The following KLF12 variants were observed in gnomAD, a reference collection of about 807,000 sequenced individuals.
The protein encoded by KLF12 is KLF transcription factor 12, also known as Krueppel-like factor 12.
In KLF12, 9 loss-of-function variants were observed where a neutral mutation model predicts 37.8. That is an observed-to-expected ratio of 0.24 (90% CI 0.14 to 0.42). KLF12 has a LOEUF of 0.42. KLF12 is among the 10% of genes least tolerant of loss of function. KLF12 has a pLI of 1.00. For missense variants in KLF12, 411 were observed against 516.0 expected (o/e 0.80, Z 1.97); for synonymous variants, 208 against 202.1 (o/e 1.03, Z -0.25).
chr13:73,948,939 G>C (rs1357384400), intron 2 of KLF12, among the ~76,000 whole-genome samples: 6 of 152,094 alleles, frequency 3.9e-5, no homozygotes, highest in Non-Finnish European at 7.4e-5. Flanking sequence ...CATTATCTTG[G>C]TAACAAAAAT....
chr13:74,012,812 A>T (rs1053080822), intron 1 of KLF12, among the ~76,000 whole-genome samples: 1 of 152,178 alleles, frequency 6.6e-6, no homozygotes, highest in Non-Finnish European at 1.5e-5. Context: ...TACTTAAAAA[A>T]CAATCACATA....
At chr13:74,273,702 T>C in the KLF12 span, among the ~76,000 whole-genome samples, 1 of 152,056 alleles carries the variant, frequency 6.6e-6, no homozygotes, top group Non-Finnish European at 1.5e-5. Context: ...CTTGGAATAT[T>C]TTTGGCTTTT....
chr13:73,734,557 T>C (rs1375175569), intron 6 of KLF12, among the ~76,000 whole-genome samples: 1 of 152,042 alleles, frequency 6.6e-6, no homozygotes, highest in Non-Finnish European at 1.5e-5. Flanking sequence ...ACTTTCATAA[T>C]AGATGGCAAA....
intron 2 of KLF12, among the ~76,000 whole-genome samples, chr13:73,989,815 T>G (rs188961003): frequency 2.0e-5 from 3 of 152,032 alleles, no homozygotes; most frequent in Admixed American, 2.0e-4. Context: ...AAGAGGCCAA[T>G]GAAGAACAAT....
the KLF12 span, among the ~76,000 whole-genome samples, chr13:74,227,941 T>C: frequency 6.6e-6 from 1 of 152,188 alleles, no homozygotes; most frequent in East Asian, 1.9e-4. Context: ...AGAAGAATGT[T>C]TAGTCAACTT....
the KLF12 span, among the ~76,000 whole-genome samples, chr13:74,188,199 T>A: frequency 6.6e-6 from 1 of 152,172 alleles, no homozygotes; most frequent in Non-Finnish European, 1.5e-5. Flanking sequence ...TACTATTAAG[T>A]ATCCGAATTA....
chr13:74,240,456 C>T, the KLF12 span, among the ~76,000 whole-genome samples: 3 of 46,316 alleles, frequency 6.5e-5, no homozygotes, highest in Non-Finnish European at 1.2e-4. Context: ...ATCTTTGTGG[C>T]GTTCTCTGTA....
chr13:73,974,310 C>CAAAAAAAAAAAAAAAAA (rs61516158), intron 2 of KLF12, among the ~76,000 whole-genome samples: 16 of 146,256 alleles, frequency 1.1e-4, no homozygotes, highest in African/African-American at 4.1e-4. Context: ...AACTTCAAGA[C>CAAAAAAAAAAAAAAAAA]AAAAAAAAAA....
chr13:74,099,090 G>A (rs1245436234), intron 1 of KLF12, among the ~76,000 whole-genome samples: 1 of 152,186 alleles, frequency 6.6e-6, no homozygotes, highest in Non-Finnish European at 1.5e-5. Flanking sequence ...GCTCACATCT[G>A]CAACTTCAAC....
intron 1 of KLF12, among the ~76,000 whole-genome samples, chr13:74,038,613 G>A (rs1008870636): frequency 6.6e-6 from 1 of 152,108 alleles, no homozygotes; most frequent in African/African-American, 2.4e-5. Context: ...ATTCACAAAT[G>A]ACTATAAACG....
chr13:73,733,327 C>T (rs1446490607), intron 6 of KLF12, among the ~76,000 whole-genome samples: 1 of 152,120 alleles, frequency 6.6e-6, no homozygotes. Flanking sequence ...TTCCTTTAGC[C>T]CTGGTAACCT....
the KLF12 span, among the ~76,000 whole-genome samples, chr13:74,240,195 A>T: frequency 1.3e-5 from 2 of 150,388 alleles, no homozygotes; most frequent in South Asian, 2.1e-4. Flanking sequence ...TTTTTCCTTC[A>T]CTTATGAAGC....
Position 73,717,345 on chromosome 13 carries a change from T to C in KLF12, c.870-1820A>G, listed in dbSNP as rs79826806. Among the ~76,000 whole-genome samples, 1,511 of 152,310 alleles carry C rather than the reference T, an allele frequency of 9.9e-3. 12 individuals carry two copies. Among genetic ancestry groups the C allele is most frequent in the South Asian group, 0.017 (80 of 4,830 alleles). ...CAAACCAAAAAACAGTGGGCTGTAT[T>C]CTGTCCTTGAGCTGTAGCTTGCCAA... On this transcript the variant is annotated intron_variant, in intron 6 of 7. Coordinates refer to ENST00000377669, the MANE Select transcript of KLF12 (RefSeq NM_007249.5).
chr13:74,271,922 C>T, the KLF12 span, among the ~76,000 whole-genome samples: 1 of 152,180 alleles, frequency 6.6e-6, no homozygotes, highest in South Asian at 2.1e-4. Context: ...GAACTCATGC[C>T]AGTGGAGTCA....
intron 6 of KLF12, among the ~76,000 whole-genome samples, chr13:73,759,239 G>T (rs933830998): frequency 6.6e-6 from 1 of 152,002 alleles, no homozygotes; most frequent in Admixed American, 6.6e-5. Context: ...TTGCCAACAC[G>T]CATGGCTTAA....
intron 1 of KLF12, among the ~76,000 whole-genome samples, chr13:74,085,728 T>C (rs1413979090): frequency 6.6e-6 from 1 of 152,200 alleles, no homozygotes; most frequent in African/African-American, 2.4e-5. Context: ...CACCAATTCC[T>C]GGGCACCACC....
At chr13:73,935,235 T>C (rs999000215) in intron 3 of KLF12, among the ~76,000 whole-genome samples, 19 of 152,082 alleles carry the variant, frequency 1.2e-4, no homozygotes, top group Non-Finnish European at 7.4e-5. Context: ...GTGACCCACA[T>C]ACCTCGGCCT....
chr13:73,777,281 G>T (rs1458758217), intron 5 of KLF12, among the ~76,000 whole-genome samples: 2 of 152,186 alleles, frequency 1.3e-5, no homozygotes, highest in Non-Finnish European at 2.9e-5. Context: ...ATGGGAAGAA[G>T]GAGTTCATGC....
At chr13:73,712,117 T>A (rs1049774212) in intron 7 of KLF12, among the ~76,000 whole-genome samples, 1 of 152,054 alleles carries the variant, frequency 6.6e-6, no homozygotes, top group Non-Finnish European at 1.5e-5. Context: ...GGTGGGCAGA[T>A]CACCTGAGGT....
Sources: gnomAD v4.1 joint callset for allele counts (sites outside exome capture counted in the v4.1 genomes callset) on GRCh38, gnomAD v4.1.1 for gene constraint, MANE v1.5 for transcripts, NCBI Gene and HGNC (gene_info 2026-07-23, HGNC 2026-07-21) for gene names.